LRP1B: variants seen among roughly 807,000 people sequenced by gnomAD.
The protein encoded by LRP1B is low-density lipoprotein receptor-related protein 1B.
A neutral mutation model predicts 556.6 loss-of-function variants in LRP1B; 217 were observed. The observed-to-expected ratio is 0.39, with a 90% CI of 0.35 to 0.44. The LOEUF (loss-of-function observed/expected upper bound fraction) is 0.44, where lower values mean the gene tolerates loss of function less well. Ranked by LOEUF, LRP1B falls within the 20% of genes least tolerant of loss-of-function variation. The pLI is 1.00. For synonymous variants in LRP1B, 2,047 were observed against 1,865.8 expected, an observed-to-expected ratio of 1.10 and a Z score of -2.50; for missense variants, 5,053 against 5,620.8, an observed-to-expected ratio of 0.90 and a Z score of 3.23.
chr2:141,468,372 T>C lies in LRP1B; in HGVS notation c.343+12024A>G, dbSNP rs1429096501. ...AACCCAGTTGAAGAGTATAAAAGGA[T>C]AAGTTATTTTTAATTCTCTAAATAA... On this transcript the variant is annotated intron_variant, in intron 3 of 90. Coordinates refer to ENST00000389484, the MANE Select transcript of LRP1B (RefSeq NM_018557.3). 2.0e-5 allele frequency among the ~76,000 whole-genome samples: 3 copies of C among 152,136 alleles called. No homozygotes were observed. The East Asian group carries it at 5.8e-4, about 29-fold the overall frequency.
chr2:141,560,464 A>C (rs530584717), intron 2 of LRP1B, among the ~76,000 whole-genome samples: 1 of 151,800 alleles, frequency 6.6e-6, no homozygotes, highest in South Asian at 2.1e-4. Flanking sequence ...CATTTTATTC[A>C]ACTTTTCCAA....
intron 44 of LRP1B, 71 bp downstream of exon 44, chr2:140,541,708 A>G: frequency 8.8e-7 from 1 of 1,141,530 alleles, no homozygotes. Context: ...ATTACTAGAA[A>G]ACATATATAC....
chr2:141,846,148 G>T (rs1170004724), intron 1 of LRP1B, among the ~76,000 whole-genome samples: 1 of 151,542 alleles, frequency 6.6e-6, no homozygotes, highest in Non-Finnish European at 1.5e-5. Flanking sequence ...TGCAAAGACA[G>T]ATTTCTGCAA....
At chr2:140,351,908 T>C (rs1216546974) in intron 76 of LRP1B, among the ~76,000 whole-genome samples, 1 of 152,124 alleles carries the variant, frequency 6.6e-6, no homozygotes, top group Admixed American at 6.6e-5. Flanking sequence ...ACTGAGGCTC[T>C]GACACTTTAG....
chr2:141,033,759 C>G (rs1698447309), intron 11 of LRP1B, among the ~76,000 whole-genome samples: 1 of 152,092 alleles, frequency 6.6e-6, no homozygotes, highest in African/African-American at 2.4e-5. Context: ...AAAGAGAGCC[C>G]TCACCAGACA....
At chr2:141,456,479 C>T (rs1234414391) in intron 3 of LRP1B, among the ~76,000 whole-genome samples, 1 of 152,200 alleles carries the variant, frequency 6.6e-6, no homozygotes, top group Middle Eastern at 3.4e-3. Flanking sequence ...ACTGTTTTCT[C>T]CTCAACTATG....
intron 40 of LRP1B, among the ~76,000 whole-genome samples, chr2:140,701,375 T>G (rs1420295945): frequency 6.6e-6 from 1 of 152,046 alleles, no homozygotes; most frequent in Non-Finnish European, 1.5e-5. Flanking sequence ...TGTATAAAAA[T>G]TTCAACTGCC....
intron 35 of LRP1B, among the ~76,000 whole-genome samples, chr2:140,740,169 GGTA>G (rs1688089191): frequency 6.6e-6 from 1 of 152,050 alleles, no homozygotes; most frequent in Non-Finnish European, 1.5e-5. Flanking sequence ...CCCACTCCTG[GGTA>G]TCTATCTAGA....
At chr2:141,488,408 T>G (rs1683195207) in intron 2 of LRP1B, among the ~76,000 whole-genome samples, 1 of 152,138 alleles carries the variant, frequency 6.6e-6, no homozygotes, top group Non-Finnish European at 1.5e-5. Context: ...AACAGAGTTT[T>G]GATTGTATTT....
chr2:140,689,434 C>T (rs1296926513), intron 41 of LRP1B, among the ~76,000 whole-genome samples: 1 of 152,200 alleles, frequency 6.6e-6, no homozygotes, highest in Non-Finnish European at 1.5e-5. Flanking sequence ...ACTGGAGTCT[C>T]TTTGAATCTG....
At chr2:142,018,973 A>G (rs1703244256) in intron 1 of LRP1B, among the ~76,000 whole-genome samples, 1 of 152,206 alleles carries the variant, frequency 6.6e-6, no homozygotes, top group Admixed American at 6.5e-5. Context: ...TAGGTTACAT[A>G]TTCTTGGGAA....
chr2:140,912,992 G>A (rs1173054086), intron 21 of LRP1B, among the ~76,000 whole-genome samples: 2 of 151,394 alleles, frequency 1.3e-5, no homozygotes, highest in African/African-American at 4.9e-5. Context: ...GATAATTTCT[G>A]TTCTGGGATA....
chr2:141,068,984 A>C (rs912046080), intron 7 of LRP1B, among the ~76,000 whole-genome samples: 4 of 152,100 alleles, frequency 2.6e-5, no homozygotes, highest in African/African-American at 7.2e-5. Flanking sequence ...AACATCTTAA[A>C]TCTTTTCAGT....
chr2:140,666,301 T>TACAC (rs56905500), intron 41 of LRP1B, among the ~76,000 whole-genome samples: 6,612 of 147,808 alleles, frequency 0.045, 299 homozygotes, highest in East Asian at 0.15. Context: ...CCATTTATTA[T>TACAC]ACACACACAC....
At chr2:140,281,065 C>T (rs1682892829) in intron 84 of LRP1B, among the ~76,000 whole-genome samples, 1 of 151,814 alleles carries the variant, frequency 6.6e-6, no homozygotes, top group South Asian at 2.1e-4. Context: ...ATGTCTGCCA[C>T]AGAAGTAAAG....
intron 2 of LRP1B, among the ~76,000 whole-genome samples, chr2:141,625,633 T>C (rs189848130): frequency 3.5e-4 from 54 of 152,298 alleles, no homozygotes; most frequent in Admixed American, 3.3e-3. Context: ...AGTGCATATA[T>C]GCTACATAAG....
chr2:140,321,729 C>T (rs768893816), intron 82 of LRP1B, among the ~76,000 whole-genome samples: 4 of 151,990 alleles, frequency 2.6e-5, no homozygotes, highest in South Asian at 2.1e-4. Flanking sequence ...TCAAAGTTCT[C>T]GATCTGTTGT....
intron 83 of LRP1B, among the ~76,000 whole-genome samples, chr2:140,307,485 G>T (rs1017236685): frequency 1.1e-4 from 16 of 151,372 alleles, no homozygotes; most frequent in African/African-American, 3.9e-4. Context: ...TTTTTTTCTT[G>T]ATTTTATACT....
intron 41 of LRP1B, among the ~76,000 whole-genome samples, chr2:140,638,059 G>A (rs1018419642): frequency 1.1e-4 from 16 of 152,226 alleles, no homozygotes; most frequent in Non-Finnish European, 1.6e-4. Context: ...TCCTAAAAAC[G>A]TTTGTTACAC....
Sources: allele counts gnomAD v4.1 joint callset (sites outside exome capture counted in the v4.1 genomes callset), GRCh38; gene constraint gnomAD v4.1.1; transcripts MANE v1.5; gene names NCBI Gene and HGNC (gene_info 2026-07-23, HGNC 2026-07-21).